Variants in WWTR1 observed in about 807,000 individuals in gnomAD.
WWTR1 encodes WW domain-containing transcription regulator protein 1.
In WWTR1, 13 loss-of-function variants were observed where a neutral mutation model predicts 40.1. That is an observed-to-expected ratio of 0.32 (90% CI 0.21 to 0.52). The LOEUF is 0.52. Among genes scored for constraint, WWTR1 ranks in the 20% least tolerant of loss-of-function variants. WWTR1 has a pLI of 0.97. For synonymous variants in WWTR1, 230 were observed against 210.1 expected, an observed-to-expected ratio of 1.09 and a Z score of -0.82; for missense variants, 436 against 523.1, an observed-to-expected ratio of 0.83 and a Z score of 1.63.
intron 2 of WWTR1, among the ~76,000 whole-genome samples, chr3:149,635,918 C>G (rs1327202981): frequency 6.6e-6 from 1 of 152,124 alleles, no homozygotes; most frequent in Non-Finnish European, 1.5e-5. Flanking sequence ...TTCTTCTTCC[C>G]TTTATTCTGG....
rs564365243 is a variant in WWTR1 at position 149,634,384 on chromosome 3, C to T, written c.431+22492G>A. Among the ~76,000 whole-genome samples the T allele has an allele frequency of 2.6e-5, 4 of 152,264 alleles. No individual in the cohort carries two copies. In the East Asian group the frequency reaches 5.8e-4, roughly 22 times the overall value. On this transcript the variant is annotated intron_variant, in intron 2 of 6. Transcript: ENST00000360632. The stretch of plus-strand genomic sequence containing the variant: ...GGTACACGTTTGTTAAATAAATACA[C>T]GTAAATGCATATTAAGATGTCTGTG...
chr3:149,550,927 T>C (rs1302686017), intron 3 of WWTR1, among the ~76,000 whole-genome samples: 1 of 145,366 alleles, frequency 6.9e-6, no homozygotes, highest in African/African-American at 2.6e-5. Flanking sequence ...TAGTTTTTTT[T>C]TTTCTTTAAA....
At chr3:149,664,589 CTTT>C (rs71916474) in intron 2 of WWTR1, among the ~76,000 whole-genome samples, 2 of 139,796 alleles carry the variant, frequency 1.4e-5, no homozygotes, top group Non-Finnish European at 3.1e-5. Flanking sequence ...AAGGCACTAT[CTTT>C]TTTTTTTTTT....
intron 2 of WWTR1, among the ~76,000 whole-genome samples, chr3:149,592,834 T>G (rs1275159714): frequency 2.0e-5 from 3 of 152,182 alleles, no homozygotes; most frequent in Non-Finnish European, 4.4e-5. Flanking sequence ...GGGTGGCTCC[T>G]CTCCATCCCT....
chr3:149,603,031 C>T (rs1739315870), intron 2 of WWTR1, among the ~76,000 whole-genome samples: 2 of 152,086 alleles, frequency 1.3e-5, no homozygotes, highest in Non-Finnish European at 2.9e-5. Flanking sequence ...TCTTTCTACT[C>T]TAGGTTTCAA....
intron 2 of WWTR1, 47 bp downstream of exon 2, chr3:149,656,829 G>C: frequency 1.4e-6 from 2 of 1,459,582 alleles, no homozygotes; most frequent in African/African-American, 1.5e-5. Context: ...ACACGCGCGC[G>C]TTGGGCACTG....
At chr3:149,655,322 G>A (rs577691509) in intron 2 of WWTR1, among the ~76,000 whole-genome samples, 1 of 152,098 alleles carries the variant, frequency 6.6e-6, no homozygotes, top group African/African-American at 2.4e-5. Flanking sequence ...GTGGGTGCCT[G>A]TAATCCCAGC....
intron 1 of WWTR1, among the ~76,000 whole-genome samples, chr3:149,670,215 A>G (rs563203208): frequency 9.8e-5 from 15 of 152,320 alleles, no homozygotes; most frequent in Middle Eastern, 6.8e-3. Flanking sequence ...CAGTGACTCT[A>G]TTGAAGAAAG....
chr3:149,620,853 C>G (rs1379413054), intron 2 of WWTR1, among the ~76,000 whole-genome samples: 1 of 152,198 alleles, frequency 6.6e-6, no homozygotes, highest in East Asian at 1.9e-4. Flanking sequence ...CCACACACAT[C>G]AGCCTTTACA....
chr3:149,712,324 T>C (rs529397361), intron 5 of WWTR1, among the ~76,000 whole-genome samples: 33 of 152,224 alleles, frequency 2.2e-4, no homozygotes, highest in African/African-American at 7.7e-4. Flanking sequence ...TTATTTTAAG[T>C]ATCTTTGCTA....
chr3:149,637,156 C>T (rs1268845355), intron 2 of WWTR1, among the ~76,000 whole-genome samples: 1 of 151,752 alleles, frequency 6.6e-6, no homozygotes, highest in African/African-American at 2.4e-5. Context: ...ATTATTACAT[C>T]TAATCTAAAA....
In WWTR1 at chr3:149,538,944, A is replaced by C. The variant is rs34785465; in HGVS notation, c.771+3391T>G. ...TTTCTACTAAATAAATATTGATTGAATGAATGAAGAGATAAAGGAATGAAG... is the reference window on the plus strand; with the variant it reads ...TTTCTACTAAATAAATATTGATTGACTGAATGAAGAGATAAAGGAATGAAG... On this transcript the variant is annotated intron_variant, in intron 4 of 6. Coordinates refer to ENST00000360632, the MANE Select transcript of WWTR1 (RefSeq NM_015472.6). Among the ~76,000 whole-genome samples, 548 of 152,370 alleles carry C rather than the reference A, an allele frequency of 3.6e-3. 3 individuals are homozygous for C. Among genetic ancestry groups the C allele is most frequent in the Non-Finnish European group, 5.5e-3 (375 of 68,036 alleles).
At chr3:149,576,101 A>G in intron 2 of WWTR1, 1 of 456,726 alleles carries the variant, frequency 2.2e-6, no homozygotes, top group South Asian at 1.5e-5. Flanking sequence ...TTGCTCCAAA[A>G]CAACTCTGAG....
chr3:149,544,864 T>C (rs993406723), intron 3 of WWTR1, among the ~76,000 whole-genome samples: 15 of 152,222 alleles, frequency 9.9e-5, no homozygotes, highest in African/African-American at 3.4e-4. Flanking sequence ...AAAGCCTGGA[T>C]AGATTTACAA....
At chr3:149,605,586 T>C (rs961541792) in intron 2 of WWTR1, among the ~76,000 whole-genome samples, 3 of 152,290 alleles carry the variant, frequency 2.0e-5, no homozygotes, top group East Asian at 1.9e-4. Context: ...TTGAGGTGAC[T>C]GTGGCGCATG....
chr3:149,598,655 T>C (rs1739109451), intron 2 of WWTR1, among the ~76,000 whole-genome samples: 1 of 149,164 alleles, frequency 6.7e-6, no homozygotes, highest in Non-Finnish European at 1.5e-5. Flanking sequence ...TGTATTCCAT[T>C]TTTTTTTCAT....
intron 1 of WWTR1, among the ~76,000 whole-genome samples, chr3:149,680,263 G>A (rs936380304): frequency 2.6e-5 from 4 of 152,194 alleles, no homozygotes; most frequent in South Asian, 2.1e-4. Context: ...CTTATCTGGG[G>A]CCGGGCACAG....
chr3:149,708,497 T>C (rs1187907414), intron 5 of WWTR1, among the ~76,000 whole-genome samples: 2 of 152,186 alleles, frequency 1.3e-5, no homozygotes, highest in Non-Finnish European at 2.9e-5. Flanking sequence ...GCCCTGCTTC[T>C]GGTAGCCACC....
intron 1 of WWTR1, among the ~76,000 whole-genome samples, chr3:149,687,397 T>C (rs1247881944): frequency 6.6e-6 from 1 of 152,212 alleles, no homozygotes; most frequent in Non-Finnish European, 1.5e-5. Flanking sequence ...TTAAATCTAT[T>C]TGAAAAGAGA....
Sources: gnomAD v4.1 joint callset for allele counts (sites outside exome capture counted in the v4.1 genomes callset) on GRCh38, gnomAD v4.1.1 for gene constraint, MANE v1.5 for transcripts, NCBI Gene and HGNC (gene_info 2026-07-23, HGNC 2026-07-21) for gene names.